SPIDR: variants seen among roughly 807,000 people sequenced by gnomAD.
SPIDR encodes the protein scaffold protein involved in DNA repair, also known as DNA repair-scaffolding protein.
Under a neutral mutation model 104.6 loss-of-function variants are expected in SPIDR, and 93 were observed. The ratio of observed to expected loss-of-function variants is 0.89; its 90% CI spans 0.75 to 1.06. The LOEUF (loss-of-function observed/expected upper bound fraction) is 1.06, where lower values mean the gene tolerates loss of function less well. Among genes scored for constraint, SPIDR ranks in the 50% least tolerant of loss-of-function variants. SPIDR has a pLI of 0.00. For missense variants in SPIDR, 1,154 were observed against 1,111.2 expected, an observed-to-expected ratio of 1.04 and a Z score of -0.55; for synonymous variants, 431 against 416.9, an observed-to-expected ratio of 1.03 and a Z score of -0.41.
At position 47,623,440 on chromosome 8, in the gene SPIDR, G is replaced by A. The variant is rs535698561; in HGVS notation, c.1544+24244G>A. On this transcript the variant is annotated intron_variant, in intron 10 of 19. Coordinates refer to ENST00000297423, the MANE Select transcript of SPIDR (RefSeq NM_001080394.4). Reference sequence around the variant, plus strand: ...TGCTCCAATTAAAAGACACAGACTGGCAAATTGGATAAAGAGTCAAGACCC... The same window carrying A: ...TGCTCCAATTAAAAGACACAGACTGACAAATTGGATAAAGAGTCAAGACCC... Among the ~76,000 whole-genome samples the A allele has an allele frequency of 1.1e-4, 16 of 152,266 alleles. No homozygotes were observed. The East Asian group carries it at 3.1e-3, about 29-fold the overall frequency.
intron 5 of SPIDR, among the ~76,000 whole-genome samples, chr8:47,376,750 T>C (rs909619024): frequency 1.2e-4 from 19 of 152,250 alleles, no homozygotes; most frequent in African/African-American, 4.6e-4. Context: ...TCAAGGTACA[T>C]TGAGTGATGA....
intron 5 of SPIDR, among the ~76,000 whole-genome samples, chr8:47,297,505 G>T (rs1354771689): frequency 6.6e-6 from 1 of 151,614 alleles, no homozygotes; most frequent in Non-Finnish European, 1.5e-5. Flanking sequence ...TGTGCAAAAC[G>T]TGCAGGTTTG....
At chr8:47,270,862 T>G (rs751660327) in intron 1 of SPIDR, among the ~76,000 whole-genome samples, 30 of 152,186 alleles carry the variant, frequency 2.0e-4, no homozygotes, top group Non-Finnish European at 4.1e-4. Context: ...TACTTGTGAA[T>G]TTTCATTTTA....
chr8:47,468,889 G>C (rs1554719213), intron 8 of SPIDR, among the ~76,000 whole-genome samples: 2 of 152,074 alleles, frequency 1.3e-5, no homozygotes, highest in Non-Finnish European at 2.9e-5. Flanking sequence ...ACTATCAACA[G>C]AGACAACTAT....
At chr8:47,274,638 C>T (rs1357375708) in intron 1 of SPIDR, among the ~76,000 whole-genome samples, 3 of 150,756 alleles carry the variant, frequency 2.0e-5, no homozygotes, top group Non-Finnish European at 4.4e-5. Flanking sequence ...AGTCCAGTTG[C>T]GCGATTTTGG....
chr8:47,419,133 A>T (rs1398186931), intron 7 of SPIDR: 1 of 152,282 alleles, frequency 6.6e-6, no homozygotes, highest in African/African-American at 2.4e-5. Flanking sequence ...CTGGCCTGAT[A>T]AAATGAGTGA....
chr8:47,594,949 C>G (rs2061481685), intron 8 of SPIDR, among the ~76,000 whole-genome samples: 1 of 151,956 alleles, frequency 6.6e-6, no homozygotes, highest in African/African-American at 2.4e-5. Context: ...TGAGCTGAGA[C>G]CATGCCACTG....
intron 5 of SPIDR, among the ~76,000 whole-genome samples, chr8:47,392,445 C>T (rs528423562): frequency 6.6e-6 from 1 of 152,284 alleles, no homozygotes; most frequent in Non-Finnish European, 1.5e-5. Flanking sequence ...GATGCAAGAG[C>T]AAGGATGGAC....
intron 5 of SPIDR, among the ~76,000 whole-genome samples, chr8:47,377,080 C>G (rs1587910320): frequency 6.6e-6 from 1 of 152,172 alleles, no homozygotes; most frequent in Admixed American, 6.5e-5. Context: ...TTGCTGACCC[C>G]TGTTCTGGAT....
intron 8 of SPIDR, among the ~76,000 whole-genome samples, chr8:47,506,245 C>G (rs1480433109): frequency 6.6e-6 from 1 of 152,196 alleles, no homozygotes; most frequent in African/African-American, 2.4e-5. Flanking sequence ...GCTGCTATTT[C>G]AGCTGCATGT....
At chr8:47,603,970 G>GA (rs531455720) in intron 10 of SPIDR, among the ~76,000 whole-genome samples, 14 of 151,224 alleles carry the variant, frequency 9.3e-5, no homozygotes, top group East Asian at 5.8e-4. Context: ...TCCACTAAGG[G>GA]AAAAAAAAAT....
intron 8 of SPIDR, among the ~76,000 whole-genome samples, chr8:47,575,181 C>T (rs949665506): frequency 1.3e-5 from 2 of 152,126 alleles, no homozygotes; most frequent in Admixed American, 6.5e-5. Flanking sequence ...ATTGCCACTT[C>T]ATCTTTTTGT....
intron 5 of SPIDR, among the ~76,000 whole-genome samples, chr8:47,343,675 A>G (rs771909065): frequency 7.2e-5 from 11 of 152,330 alleles, no homozygotes; most frequent in Non-Finnish European, 1.5e-4. Context: ...TAGGGGCCAC[A>G]GAACTGATGG....
At chr8:47,608,466 G>A (rs1416752299) in intron 10 of SPIDR, among the ~76,000 whole-genome samples, 2 of 152,194 alleles carry the variant, frequency 1.3e-5, no homozygotes, top group African/African-American at 4.8e-5. Flanking sequence ...ACCTAGGCAT[G>A]GAATTGCTGA....
rs2037380544 is a variant in SPIDR, at chr8:47,279,898, C to T, written c.70C>T (p.Pro24Ser). ...TTGGAATACAGAATGCCCATCCTTT[C>T]CAGGAGAAAGACCACTGCAGGTCAG... is the stretch of plus-strand genomic sequence containing the variant. Reference protein sequence around the residue: ...RSWNTECPSFPGERPLQVRRA... With the variant: ...RSWNTECPSFSGERPLQVRRA... Residue 24 changes from proline to serine, a missense_variant, in exon 2 of 20, where the codon CCA becomes TCA. Transcript: ENST00000297423. 6.2e-7 allele frequency: 1 copy of T among 1,613,616 alleles called. No individual in the cohort carries two copies. The highest frequency in any genetic ancestry group is 1.3e-5 in the African/African-American group (1 of 74,902).
At chr8:47,391,812 T>C (rs948370521) in intron 5 of SPIDR, among the ~76,000 whole-genome samples, 40 of 151,818 alleles carry the variant, frequency 2.6e-4, no homozygotes, top group South Asian at 1.0e-3. Flanking sequence ...CTGGCTAACA[T>C]GGTGAAACCC....
chr8:47,673,870 G>A lies in SPIDR; in HGVS notation c.1614G>A (p.Lys538=), dbSNP rs2076094321. The A allele has an allele frequency of 6.2e-7, 1 of 1,614,022 alleles. No individual in the cohort carries two copies. The highest frequency in any genetic ancestry group is 8.5e-7 in the Non-Finnish European group (1 of 1,180,024). The change falls in exon 11 of 20, where the codon AAG becomes AAA. Residue 538 remains lysine, a synonymous_variant. Transcript: ENST00000297423. ...TGCACTTGGAGTTCACCATGTCGAA[G>A]GCAAGACAGTTGGAAGGGAAGTCTT... ...GEVHLEFTMS[K]ARQLEGKSCS...
rs138835581 is a variant in SPIDR, at chr8:47,559,719, T to C, written c.1098-36092T>C. ...CAAGGGGCAGTAGCATGTGGTACCA[T>C]GTTCCTTGCTTCCTTTGTGAAGAAC... On this transcript the variant is annotated intron_variant, in intron 8 of 19. Coordinates refer to ENST00000297423, the MANE Select transcript of SPIDR (RefSeq NM_001080394.4). Among the ~76,000 whole-genome samples, 422 of 152,338 alleles carry C rather than the reference T, an allele frequency of 2.8e-3. 1 individual carries two copies. Among genetic ancestry groups the C allele is most frequent in the African/African-American group, 9.9e-3 (410 of 41,588 alleles).
intron 10 of SPIDR, among the ~76,000 whole-genome samples, chr8:47,653,321 C>T (rs554726853): frequency 7.9e-5 from 12 of 152,254 alleles, no homozygotes; most frequent in African/African-American, 2.6e-4. Context: ...AATCCTTGGC[C>T]TCTCAGGTTT....
Sources: allele counts gnomAD v4.1 joint callset (sites outside exome capture counted in the v4.1 genomes callset), GRCh38; gene constraint gnomAD v4.1.1; transcripts MANE v1.5; gene names NCBI Gene and HGNC (gene_info 2026-07-23, HGNC 2026-07-21).